Variants in HEATR4 observed in about 807,000 individuals in gnomAD.
HEATR4 encodes HEAT repeat-containing protein 4.
In HEATR4, 95 loss-of-function variants were observed where a neutral mutation model predicts 108.8. The ratio of observed to expected loss-of-function variants is 0.87; its 90% CI spans 0.74 to 1.04. The LOEUF is 1.04. HEATR4 is among the 50% of genes least tolerant of loss of function. HEATR4 has a pLI of 0.00. For synonymous variants in HEATR4, 443 were observed against 459.4 expected (o/e 0.96, Z 0.46); for missense variants, 1,152 against 1,253.8 (o/e 0.92, Z 1.23).
At chr14:73,569,384 A>G in the HEATR4 span, 1 of 1,613,934 alleles carries the variant, frequency 6.2e-7, no homozygotes, top group Non-Finnish European at 8.5e-7. Context: ...TGGGGTCTCC[A>G]CAGCTGAGGC....
At chr14:73,488,178 A>G (rs1885525223) in intron 17 of HEATR4, among the ~76,000 whole-genome samples, 1 of 152,150 alleles carries the variant, frequency 6.6e-6, no homozygotes, top group East Asian at 1.9e-4. Context: ...TGTAATCTCC[A>G]ATGTTAGATG....
chr14:73,569,509 C>T, the HEATR4 span: 2 of 1,609,282 alleles, frequency 1.2e-6, no homozygotes, highest in Non-Finnish European at 1.7e-6. Context: ...GGCCTAGCCC[C>T]GGAGCAGCCG....
intron 17 of HEATR4, among the ~76,000 whole-genome samples, chr14:73,484,677 G>C (rs2140241799): frequency 6.6e-6 from 1 of 151,974 alleles, no homozygotes; most frequent in South Asian, 2.1e-4. Context: ...ACCACACCCA[G>C]CCTAAACTTT....
chr14:73,589,633 T>C, the HEATR4 span, among the ~76,000 whole-genome samples: 3,061 of 152,224 alleles, frequency 0.02, 111 homozygotes, highest in African/African-American at 0.07. Context: ...TTATATTTCA[T>C]CAAAAAGCTT....
chr14:73,567,987 C>T, the HEATR4 span: 4 of 152,162 alleles, frequency 2.6e-5, no homozygotes, highest in Admixed American at 2.6e-4. Flanking sequence ...CTGTAACAGT[C>T]ACTGCGAGGG....
At chr14:73,582,561 G>A in the HEATR4 span, 1 of 151,730 alleles carries the variant, frequency 6.6e-6, no homozygotes, top group African/African-American at 2.4e-5. Context: ...GACAGCATGA[G>A]CATTTTGATT....
intron 10 of HEATR4, among the ~76,000 whole-genome samples, chr14:73,505,247 C>T (rs763551760): frequency 2.0e-5 from 3 of 152,088 alleles, no homozygotes; most frequent in Non-Finnish European, 2.9e-5. Flanking sequence ...ATAAATTTAA[C>T]CCACACTAAT....
intron 7 of HEATR4, among the ~76,000 whole-genome samples, chr14:73,510,621 A>C (rs1454075069): frequency 6.6e-6 from 1 of 152,008 alleles, no homozygotes; most frequent in Non-Finnish European, 1.5e-5. Flanking sequence ...TTTTTGGTAG[A>C]GATGAGGTTT....
intron 7 of HEATR4, 47 bp downstream of exon 7, chr14:73,511,959 C>T (rs951360319): frequency 2.5e-6 from 4 of 1,612,096 alleles, no homozygotes; most frequent in Non-Finnish European, 3.4e-6. Flanking sequence ...TGTTCCATGG[C>T]TTTATGAGTT....
At chr14:73,597,148 A>G in the HEATR4 span, among the ~76,000 whole-genome samples, 2 of 151,872 alleles carry the variant, frequency 1.3e-5, no homozygotes, top group South Asian at 2.1e-4. Flanking sequence ...CAATGGCGCA[A>G]TCTCAGCTCA....
the HEATR4 span, chr14:73,574,474 A>T: frequency 3.2e-6 from 1 of 310,842 alleles, no homozygotes; most frequent in South Asian, 3.2e-5. Flanking sequence ...TGTTGGCCAG[A>T]CTGATCTCAA....
the HEATR4 span, chr14:73,567,922 G>T: frequency 2.0e-5 from 3 of 152,124 alleles, no homozygotes; most frequent in Non-Finnish European, 2.9e-5. Flanking sequence ...GGACGCATCT[G>T]AACATCAGAG....
the HEATR4 span, among the ~76,000 whole-genome samples, chr14:73,586,698 G>T: frequency 1.5e-5 from 2 of 132,116 alleles, no homozygotes; most frequent in African/African-American, 7.0e-5. Flanking sequence ...CAGTGACTCT[G>T]TCTGAAAAAA....
At chr14:73,590,571 C>CGGCGGG in the HEATR4 span, among the ~76,000 whole-genome samples, 59 of 152,338 alleles carry the variant, frequency 3.9e-4, no homozygotes, top group Middle Eastern at 3.4e-3. Context: ...CAGAAGCTCA[C>CGGCGGG]GGCGGGGGCG....
the HEATR4 span, among the ~76,000 whole-genome samples, chr14:73,598,233 A>AAC: frequency 1.4e-5 from 2 of 147,154 alleles, no homozygotes; most frequent in African/African-American, 5.0e-5. Context: ...AAAAAAAAAA[A>AAC]AAAAAACATA....
chr14:73,550,226 G>T (rs1889298226), intron 1 of HEATR4, among the ~76,000 whole-genome samples: 1 of 113,466 alleles, frequency 8.8e-6, no homozygotes, highest in South Asian at 2.8e-4. Context: ...ACTGAGGCAG[G>T]ATAGGTAGCT....
At chr14:73,614,606 G>T in the HEATR4 span, among the ~76,000 whole-genome samples, 5 of 151,916 alleles carry the variant, frequency 3.3e-5, no homozygotes, top group African/African-American at 1.2e-4. Flanking sequence ...AATTAGCCAG[G>T]CATAGTGGCT....
chr14:73,509,810 CCATATATATATATATA>C (rs1235243706), intron 7 of HEATR4, among the ~76,000 whole-genome samples: 671 of 63,178 alleles, frequency 0.011, 111 homozygotes, highest in African/African-American at 0.024. Flanking sequence ...CCCCATGAGC[CCATATATATATATATA>C]TATATATATA....
the HEATR4 span, among the ~76,000 whole-genome samples, chr14:73,586,856 G>A: frequency 6.6e-6 from 1 of 152,074 alleles, no homozygotes; most frequent in Admixed American, 6.6e-5. Context: ...GAGACTGCAG[G>A]TATGCACTAC....
Sources: gnomAD v4.1 joint callset for allele counts (sites outside exome capture counted in the v4.1 genomes callset) on GRCh38, gnomAD v4.1.1 for gene constraint, MANE v1.5 for transcripts, NCBI Gene and HGNC (gene_info 2026-07-23, HGNC 2026-07-21) for gene names.